The following ATXN7 variants were observed in gnomAD, a reference collection of about 807,000 sequenced individuals.
ATXN7 encodes ataxin 7, also known as ataxin-7.
Under a neutral mutation model 70.5 loss-of-function variants are expected in ATXN7, and 12 were observed. The ratio of observed to expected loss-of-function variants is 0.17; its 90% CI spans 0.11 to 0.28. ATXN7 has a LOEUF of 0.28. Among genes scored for constraint, ATXN7 ranks in the 10% least tolerant of loss-of-function variants. The pLI is 1.00. For synonymous variants in ATXN7, 498 were observed against 448.7 expected, an observed-to-expected ratio of 1.11 and a Z score of -1.39; for missense variants, 1,256 against 1,131.7, an observed-to-expected ratio of 1.11 and a Z score of -1.58.
At chr3:63,961,910 TC>T (rs2075139141) in intron 5 of ATXN7, among the ~76,000 whole-genome samples, 2 of 152,176 alleles carry the variant, frequency 1.3e-5, no homozygotes, top group Non-Finnish European at 2.9e-5. Flanking sequence ...AAAGTACTTT[TC>T]CTGACAGTCA....
chr3:63,916,470 C>T (rs1054219179), intron 4 of ATXN7, among the ~76,000 whole-genome samples: 2 of 152,238 alleles, frequency 1.3e-5, no homozygotes, highest in East Asian at 1.9e-4. Context: ...ACCTCTCTGC[C>T]TGTTTTTTCT....
chr3:63,937,228 G>C (rs1435941250), intron 4 of ATXN7, among the ~76,000 whole-genome samples: 1 of 152,168 alleles, frequency 6.6e-6, no homozygotes, highest in Admixed American at 6.5e-5. Flanking sequence ...ACAGAAATAT[G>C]TTAACAAAAA....
chr3:63,926,445 G>C (rs1044848495), intron 4 of ATXN7, among the ~76,000 whole-genome samples: 1 of 152,200 alleles, frequency 6.6e-6, no homozygotes, highest in Non-Finnish European at 1.5e-5. Flanking sequence ...AGAAGGAACA[G>C]CAAATCTGAA....
intron 4 of ATXN7, among the ~76,000 whole-genome samples, chr3:63,922,013 GTTTTTTTCTTTTTCTT>G (rs1349569294): frequency 6.6e-6 from 1 of 152,024 alleles, no homozygotes; most frequent in African/African-American, 2.4e-5. Flanking sequence ...ATGAACCGCA[GTTTTTTTCTTTTTCTT>G]TTTTTTTCTT....
chr3:63,879,854 C>T (rs887293114), intron 1 of ATXN7, among the ~76,000 whole-genome samples: 3 of 151,956 alleles, frequency 2.0e-5, no homozygotes, highest in Admixed American at 6.6e-5. Context: ...GAGGCCGAGG[C>T]AGGTGGATCA....
Position 63,896,574 on chromosome 3 carries a change from A to G in ATXN7, c.-110-1825A>G, listed in dbSNP as rs1224670919. ...ACCTTCCTCAATCTGTTTCTTCAGT[A>G]GTAAAATGGAGATCATAGTAACAGC... On this transcript the variant is annotated intron_variant, in intron 1 of 12. Transcript: ENST00000674280. Among the ~76,000 whole-genome samples, 4 of 152,200 alleles carry G rather than the reference A, an allele frequency of 2.6e-5. No homozygotes were observed. The East Asian group carries it at 7.7e-4, about 29-fold the overall frequency.
chr3:63,915,448 T>C (rs1362776429), intron 4 of ATXN7, among the ~76,000 whole-genome samples: 1 of 152,222 alleles, frequency 6.6e-6, no homozygotes, highest in Non-Finnish European at 1.5e-5. Flanking sequence ...ACTCACTCAG[T>C]GGACCTTTAT....
chr3:63,939,428 T>C (rs373588257), intron 4 of ATXN7, among the ~76,000 whole-genome samples: 15 of 152,184 alleles, frequency 9.9e-5, no homozygotes, highest in African/African-American at 3.6e-4. Context: ...AGCACCTCCC[T>C]TCCCCATACT....
At chr3:63,978,776 G>A (rs1287029150) in intron 5 of ATXN7, among the ~76,000 whole-genome samples, 2 of 152,138 alleles carry the variant, frequency 1.3e-5, no homozygotes, top group African/African-American at 4.8e-5. Flanking sequence ...TACTTTATAA[G>A]CCATCATTGA....
intron 9 of ATXN7, among the ~76,000 whole-genome samples, 183 bp from the exon 10 acceptor site, chr3:63,989,993 T>A (rs982524760): frequency 3.3e-5 from 5 of 152,214 alleles, no homozygotes; most frequent in African/African-American, 1.2e-4. Flanking sequence ...CTTAACATCC[T>A]GCAGTTCAGG....
rs200217864 is a variant in ATXN7 at position 63,996,454 on chromosome 3, G to A, written c.2632G>A (p.Gly878Arg). The A allele has an allele frequency of 2.5e-5, 40 of 1,614,030 alleles. No homozygotes were observed. The highest frequency in any genetic ancestry group is 5.1e-6 in the Non-Finnish European group (6 of 1,180,038). ...KHTGTIPGAQ[G>R]LMNSSLLHQP... ...CACAGGCACCATCCCAGGGGCACAAGGACTGATGAACAGTTCCCTCCTTCA... is the reference window on the plus strand; with the variant it reads ...CACAGGCACCATCCCAGGGGCACAAAGACTGATGAACAGTTCCCTCCTTCA... Residue 878 changes from glycine to arginine, a missense_variant, in exon 12 of 13, where the codon GGA becomes AGA. By Grantham distance (125) the Gly-to-Arg change is moderately radical. Transcript: ENST00000674280.
rs576139899 is a variant in ATXN7 at position 63,979,323 on chromosome 3, G to T, written c.500-592G>T. Among the ~76,000 whole-genome samples, 5 of 152,340 alleles carry T rather than the reference G, an allele frequency of 3.3e-5. No individual in the cohort carries two copies. In the South Asian group the frequency reaches 8.3e-4, roughly 25 times the overall value. On this transcript the variant is annotated intron_variant, in intron 5 of 12. Coordinates refer to ENST00000674280, the MANE Select transcript of ATXN7 (RefSeq NM_001377405.1). ...AGTCAAGTGAGATTATTAAAAAAGG[G>T]GGGGTGGGAAGTGAAATGATTCACT...
intron 5 of ATXN7, among the ~76,000 whole-genome samples, chr3:63,970,025 C>T (rs1337554395): frequency 6.6e-6 from 1 of 152,186 alleles, no homozygotes; most frequent in African/African-American, 2.4e-5. Context: ...TATTGCTGTA[C>T]TCTGTCAGCA....
At chr3:63,893,669 C>T (rs1298482453) in intron 1 of ATXN7, among the ~76,000 whole-genome samples, 3 of 152,188 alleles carry the variant, frequency 2.0e-5, no homozygotes, top group Admixed American at 6.5e-5. Flanking sequence ...GAAACCCAGG[C>T]CAGAGTTACT....
chr3:63,931,316 CA>C (rs896654306), intron 4 of ATXN7, among the ~76,000 whole-genome samples: 3 of 151,574 alleles, frequency 2.0e-5, no homozygotes, highest in Non-Finnish European at 4.4e-5. Context: ...CCCGCCCCCC[CA>C]AAAAAAAGTA....
chr3:63,969,437 G>T (rs1381103826), intron 5 of ATXN7, among the ~76,000 whole-genome samples: 1 of 152,186 alleles, frequency 6.6e-6, no homozygotes, highest in African/African-American at 2.4e-5. Context: ...GGAAGATGAT[G>T]CTCCCTGTTG....
In ATXN7 at chr3:63,996,634, AAAAAAAAG is replaced by A. The variant is rs1202055092; in HGVS notation, c.2661+152_2661+159del. On this transcript the variant is annotated intron_variant, in intron 12 of 12. Coordinates refer to ENST00000674280, the MANE Select transcript of ATXN7 (RefSeq NM_001377405.1). The stretch of plus-strand genomic sequence containing the variant: ...TGTCTTCTTAAAAAAAAAAAAAAAA[AAAAAAAAG>A]GTTCACGGCCGTATGAAGGTAAAAC... 6 of 1,005,366 alleles carry A rather than the reference AAAAAAAAG, an allele frequency of 6.0e-6. No homozygotes were observed. The African/African-American group carries it at 9.9e-5, about 17-fold the overall frequency. The allele number at this position is 1,005,366 out of a possible 1,614,324, so 62.3% of individuals were successfully genotyped here. A position where few individuals can be genotyped will look rare whatever the true frequency, so the allele number is the denominator to read the frequency against.
intron 4 of ATXN7, among the ~76,000 whole-genome samples, chr3:63,947,570 C>T (rs1194032433): frequency 4.0e-5 from 6 of 151,810 alleles, no homozygotes; most frequent in Non-Finnish European, 7.4e-5. Context: ...CCAGCCTGGG[C>T]GACAGAAACC....
intron 5 of ATXN7, among the ~76,000 whole-genome samples, chr3:63,976,703 C>T (rs185080353): frequency 1.4e-4 from 21 of 152,250 alleles, no homozygotes; most frequent in African/African-American, 2.2e-4. Context: ...CTTAAAGTTA[C>T]AGTCAGTTCT....
Sources: allele counts gnomAD v4.1 joint callset (sites outside exome capture counted in the v4.1 genomes callset), GRCh38; gene constraint gnomAD v4.1.1; transcripts MANE v1.5; gene names NCBI Gene and HGNC (gene_info 2026-07-23, HGNC 2026-07-21).